SEC14L1: variants seen among roughly 807,000 people sequenced by gnomAD.
SEC14L1 encodes SEC14-like protein 1.
SEC14L1 carries 48 observed loss-of-function variants against 85.3 expected under a neutral mutation model. The observed-to-expected ratio is 0.56, with a 90% CI of 0.45 to 0.72. The LOEUF (loss-of-function observed/expected upper bound fraction) is 0.72. SEC14L1 is among the 30% of genes least tolerant of loss of function. The pLI, the probability that SEC14L1 is intolerant of heterozygous loss-of-function variation, is 0.00. For synonymous variants in SEC14L1, 391 were observed against 355.5 expected, an observed-to-expected ratio of 1.10 and a Z score of -1.12; for missense variants, 682 against 921.4, an observed-to-expected ratio of 0.74 and a Z score of 3.36.
intron 3 of SEC14L1, among the ~76,000 whole-genome samples, chr17:77,156,066 C>T (rs911157220): frequency 1.8e-4 from 28 of 152,078 alleles, no homozygotes; most frequent in African/African-American, 6.5e-4. Context: ...GATCTTGGTG[C>T]CTTGACCACA....
intron 3 of SEC14L1, among the ~76,000 whole-genome samples, chr17:77,176,061 A>T (rs1469945230): frequency 1.3e-5 from 2 of 152,068 alleles, no homozygotes; most frequent in African/African-American, 4.8e-5. Context: ...AGGCCAGGGT[A>T]GGTGGATCAC....
At chr17:77,188,145 CAT>C (rs1305300510) in intron 3 of SEC14L1, among the ~76,000 whole-genome samples, 2 of 152,198 alleles carry the variant, frequency 1.3e-5, no homozygotes, top group Admixed American at 6.5e-5. Flanking sequence ...TGAAAGATCT[CAT>C]GTGTTCTTTA....
chr17:77,200,749 C>T lies in SEC14L1; in HGVS notation c.1009+76C>T, dbSNP rs566494846. ...TGAAGATATCTTCCAAGGCCTCCTT[C>T]CCTGGAGTTGAGTGGGGCCCCCTTG... On this transcript the variant is annotated intron_variant, in intron 9 of 16. Transcript: ENST00000436233. The T allele has an allele frequency of 3.4e-4, 492 of 1,464,438 alleles. 2 individuals carry two copies. In the African/African-American group the frequency reaches 6.2e-3, roughly 19 times the overall value. 90.7% of individuals were successfully genotyped at this position (1,464,438 alleles called of 1,614,324 possible).
chr17:77,174,907 G>A (rs998953834), intron 3 of SEC14L1, among the ~76,000 whole-genome samples: 7 of 152,170 alleles, frequency 4.6e-5, no homozygotes, highest in Non-Finnish European at 7.4e-5. Flanking sequence ...AGTTCCTGTC[G>A]GTGTCCTTCC....
At chr17:77,204,480 G>A (rs1185953991) in intron 10 of SEC14L1, among the ~76,000 whole-genome samples, 10 of 145,962 alleles carry the variant, frequency 6.9e-5, no homozygotes, top group African/African-American at 2.3e-4. Context: ...TTGGCCTCCC[G>A]AAGTGCTGGA....
intron 3 of SEC14L1, chr17:77,185,247 A>G (rs1483656570): frequency 2.0e-6 from 2 of 985,328 alleles, no homozygotes; most frequent in African/African-American, 3.5e-5. Flanking sequence ...GGCTTGGAAG[A>G]GAATGTGGAG....
rs1358304514 is a variant in SEC14L1, at chr17:77,206,612, A to G, written c.1342-116A>G. The G allele has an allele frequency of 2.3e-6, 3 of 1,318,674 alleles. No individual in the cohort carries two copies. The highest frequency in any genetic ancestry group is 2.9e-5 in the African/African-American group (2 of 67,834). The allele number at this position is 1,318,674 out of a possible 1,614,324, so 81.7% of individuals were successfully genotyped here. A position where few individuals can be genotyped will look rare whatever the true frequency, so the allele number is the denominator to read the frequency against. On this transcript the variant is annotated intron_variant, in intron 12 of 16. Coordinates refer to ENST00000436233, the MANE Select transcript of SEC14L1 (RefSeq NM_001143998.2). This position sits in a 1 kb window ranked among gnomAD's most constrained non-coding sequence, Gnocchi z 4.3. ...TGCAAATAGACTTTACAGAAGAAGT[A>G]TATAAACTTGAATGTCTTCCCCCCA...
chr17:77,199,770 T>G (rs1976029148), intron 8 of SEC14L1, among the ~76,000 whole-genome samples: 1 of 152,242 alleles, frequency 6.6e-6, no homozygotes, highest in Admixed American at 6.5e-5. Flanking sequence ...ACTATAAAGA[T>G]TATTCAAACT....
chr17:77,160,485 T>C (rs1378143143), intron 3 of SEC14L1, among the ~76,000 whole-genome samples: 1 of 152,238 alleles, frequency 6.6e-6, no homozygotes, highest in African/African-American at 2.4e-5. Context: ...TTCAGCATCA[T>C]GTGATTGCTT....
intron 3 of SEC14L1, chr17:77,185,162 T>A (rs1975211186): frequency 1.0e-6 from 1 of 957,968 alleles, no homozygotes; most frequent in Admixed American, 6.2e-5. Context: ...GTTTTAGGCA[T>A]TGAAGTCCTC....
intron 3 of SEC14L1, among the ~76,000 whole-genome samples, chr17:77,096,465 G>A (rs995227353): frequency 2.0e-5 from 3 of 151,800 alleles, no homozygotes; most frequent in African/African-American, 7.3e-5. Flanking sequence ...GCTGAGGCAG[G>A]AGAACCGCAT....
intron 3 of SEC14L1, among the ~76,000 whole-genome samples, chr17:77,178,601 G>A (rs1273956795): frequency 1.3e-5 from 2 of 152,196 alleles, no homozygotes; most frequent in African/African-American, 4.8e-5. Flanking sequence ...GTGGGGTGAA[G>A]GGGGATGGTT....
chr17:77,196,403 C>G, intron 8 of SEC14L1, 92 bp downstream of exon 8: 2 of 721,114 alleles, frequency 2.8e-6, no homozygotes, highest in Non-Finnish European at 4.7e-6. Flanking sequence ...GTGATATTCC[C>G]AACTTCCACG....
At chr17:77,169,064 G>A (rs1039607063) in intron 3 of SEC14L1, among the ~76,000 whole-genome samples, 28 of 133,908 alleles carry the variant, frequency 2.1e-4, no homozygotes, top group Non-Finnish European at 3.2e-4. Flanking sequence ...TTATGTTGAC[G>A]GAATGCCAGA....
chr17:77,154,313 A>AC (rs1241452451), intron 3 of SEC14L1, among the ~76,000 whole-genome samples: 1 of 152,104 alleles, frequency 6.6e-6, no homozygotes, highest in Non-Finnish European at 1.5e-5. Context: ...TCTATGATAA[A>AC]CTGAAAAAAA....
chr17:77,134,514 C>G (rs1398193638), intron 3 of SEC14L1, among the ~76,000 whole-genome samples: 1 of 152,062 alleles, frequency 6.6e-6, no homozygotes, highest in Admixed American at 6.6e-5. Flanking sequence ...GTCAGGAGTT[C>G]TAGACCACCC....
chr17:77,194,574 G>A, intron 6 of SEC14L1, 103 bp from the exon 7 acceptor site: 1 of 816,178 alleles, frequency 1.2e-6, no homozygotes, highest in Non-Finnish European at 2.0e-6. Context: ...AGATTGTGAG[G>A]CTCACCATCT....
intron 14 of SEC14L1, 91 bp downstream of exon 14, chr17:77,209,567 A>G (rs559390440): frequency 1.4e-6 from 2 of 1,382,890 alleles, no homozygotes; most frequent in Non-Finnish European, 2.0e-6. Flanking sequence ...TTCATTCAGA[A>G]CAGTCCACTC....
Position 77,099,521 on chromosome 17 carries a change from C to T in SEC14L1, c.-136+6174C>T, listed in dbSNP as rs960234018. Among the ~76,000 whole-genome samples, 9 of 152,284 alleles carry T rather than the reference C, an allele frequency of 5.9e-5. 2 individuals carry two copies. On this transcript the variant is annotated intron_variant, in intron 3 of 19. Transcript: ENST00000392476. ...CTGTAATCCCAGCACTTTGGGAGGC[C>T]AAGGCGGGTGGATCACTTTGAGGTC...
Sources: gnomAD v4.1 joint callset for allele counts (sites outside exome capture counted in the v4.1 genomes callset) on GRCh38, gnomAD v4.1.1 for gene constraint, Gnocchi (gnomAD v3.1) non-coding constraint, MANE v1.5 for transcripts, NCBI Gene and HGNC (gene_info 2026-07-23, HGNC 2026-07-21) for gene names.